PTPRD: variants seen among roughly 807,000 people sequenced by gnomAD.
PTPRD encodes receptor-type tyrosine-protein phosphatase delta.
A neutral mutation model predicts 214.5 loss-of-function variants in PTPRD; 34 were observed. That is an observed-to-expected ratio of 0.16 (90% CI 0.12 to 0.21). The LOEUF (loss-of-function observed/expected upper bound fraction) is 0.21, where lower values mean the gene tolerates loss of function less well. Ranked by LOEUF, PTPRD falls within the 10% of genes least tolerant of loss-of-function variation. PTPRD has a pLI of 1.00. For synonymous variants in PTPRD, 1,128 were observed against 845.7 expected (o/e 1.33, Z -5.79); for missense variants, 2,545 against 2,398.7 (o/e 1.06, Z -1.27).
At chr9:8,970,958 G>C (rs566688496) in intron 11 of PTPRD, among the ~76,000 whole-genome samples, 3 of 151,186 alleles carry the variant, frequency 2.0e-5, no homozygotes, top group Non-Finnish European at 4.4e-5. Context: ...GAATTAACCG[G>C]AGATATGTTC....
intron 11 of PTPRD, among the ~76,000 whole-genome samples, chr9:8,797,556 G>T (rs1241154414): frequency 2.2e-4 from 34 of 152,138 alleles, no homozygotes; most frequent in Admixed American, 2.2e-3. Context: ...CCTTACCACA[G>T]GGTTCTATCT....
intron 11 of PTPRD, among the ~76,000 whole-genome samples, chr9:8,828,480 G>T (rs1566419156): frequency 6.6e-6 from 1 of 152,122 alleles, no homozygotes; most frequent in Non-Finnish European, 1.5e-5. Flanking sequence ...CTTGATCTTG[G>T]ACTTCTGGCC....
At chr9:8,951,198 T>C (rs2099100274) in intron 11 of PTPRD, among the ~76,000 whole-genome samples, 1 of 148,882 alleles carries the variant, frequency 6.7e-6, no homozygotes, top group African/African-American at 2.5e-5. Context: ...CAGAAAGCAA[T>C]TAATGGTAGA....
intron 14 of PTPRD, among the ~76,000 whole-genome samples, chr9:8,616,721 A>G (rs1329822398): frequency 6.6e-6 from 1 of 152,154 alleles, no homozygotes; most frequent in Non-Finnish European, 1.5e-5. Context: ...CTCACATACA[A>G]AACTACCTTT....
chr9:8,399,567 A>G (rs186971164), intron 36 of PTPRD, among the ~76,000 whole-genome samples: 170 of 152,270 alleles, frequency 1.1e-3, no homozygotes, highest in African/African-American at 3.8e-3. Context: ...AAACAAACAA[A>G]AAAACACACC....
chr9:9,325,978 T>A (rs966097291), intron 9 of PTPRD, among the ~76,000 whole-genome samples: 14 of 152,174 alleles, frequency 9.2e-5, no homozygotes, highest in East Asian at 7.7e-4. Flanking sequence ...CGGTTCTGTT[T>A]ATGCGATGGA....
At chr9:9,274,914 T>C (rs1342489218) in intron 9 of PTPRD, among the ~76,000 whole-genome samples, 2 of 147,618 alleles carry the variant, frequency 1.4e-5, no homozygotes, top group Admixed American at 7.0e-5. Context: ...CCATTACATA[T>C]CTTTCTTAGA....
intron 11 of PTPRD, among the ~76,000 whole-genome samples, chr9:8,976,019 T>G (rs2099266101): frequency 6.6e-6 from 1 of 152,046 alleles, no homozygotes; most frequent in Non-Finnish European, 1.5e-5. Flanking sequence ...GTAAAACATC[T>G]GTAAGATGAT....
intron 10 of PTPRD, among the ~76,000 whole-genome samples, chr9:9,101,928 T>G (rs796981166): frequency 1.3e-5 from 2 of 152,210 alleles, no homozygotes; most frequent in African/African-American, 4.8e-5. Flanking sequence ...TGATGTGAAG[T>G]AAATAATGAT....
In PTPRD at chr9:8,528,833, T is replaced by C. The variant is rs549431293; in HGVS notation, c.353-54A>G. ...CAGTTAATAAGTCAGATGCTCCAAA[T>C]TCAAGAGATTCCCCAGAAATCTCTC... On this transcript the variant is annotated intron_variant, in intron 14 of 45. Coordinates refer to ENST00000381196, the MANE Select transcript of PTPRD (RefSeq NM_002839.4). 8 of 1,546,626 alleles carry C rather than the reference T, an allele frequency of 5.2e-6. No homozygotes were observed. The East Asian group carries it at 1.4e-4, about 26-fold the overall frequency.
chr9:10,199,130 G>C (rs1221502977), intron 3 of PTPRD, among the ~76,000 whole-genome samples: 1 of 151,722 alleles, frequency 6.6e-6, no homozygotes. Flanking sequence ...GCACTTCTTA[G>C]GAGTGGATGC....
intron 5 of PTPRD, among the ~76,000 whole-genome samples, chr9:9,789,573 G>GGATCACGA (rs2098951693): frequency 6.6e-6 from 1 of 151,740 alleles, no homozygotes; most frequent in Non-Finnish European, 1.5e-5. Context: ...CGAGGCGGGC[G>GGATCACGA]GATCAGGAGA....
At chr9:8,405,239 G>A (rs2092848025) in intron 35 of PTPRD, among the ~76,000 whole-genome samples, 1 of 152,164 alleles carries the variant, frequency 6.6e-6, no homozygotes. Context: ...AACACGAACA[G>A]TAAAGAAGGG....
chr9:8,574,958 G>C (rs912043680), intron 14 of PTPRD, among the ~76,000 whole-genome samples: 2 of 151,938 alleles, frequency 1.3e-5, no homozygotes, highest in African/African-American at 2.4e-5. Context: ...TATAAATAAA[G>C]ACAAATAAAA....
intron 3 of PTPRD, among the ~76,000 whole-genome samples, chr9:10,183,662 A>G (rs1409231651): frequency 6.6e-6 from 1 of 152,186 alleles, no homozygotes; most frequent in Non-Finnish European, 1.5e-5. Context: ...TTAAAAAGTA[A>G]AGGAAAAGAG....
intron 7 of PTPRD, among the ~76,000 whole-genome samples, chr9:9,728,947 G>C (rs2098138428): frequency 6.6e-6 from 1 of 151,828 alleles, no homozygotes; most frequent in Non-Finnish European, 1.5e-5. Context: ...CTATTTTGGA[G>C]GCCTAAGTTG....
intron 3 of PTPRD, among the ~76,000 whole-genome samples, chr9:10,040,484 C>T (rs547350433): frequency 6.6e-6 from 1 of 152,162 alleles, no homozygotes; most frequent in South Asian, 2.1e-4. Flanking sequence ...GTGTGGGATG[C>T]AATCACTGCT....
rs532598848 is a variant in PTPRD at position 8,545,021 on chromosome 9, T to G, written c.353-16242A>C. Among the ~76,000 whole-genome samples the G allele has an allele frequency of 8.5e-5, 13 of 152,074 alleles. No individual in the cohort carries two copies. In the East Asian group the frequency reaches 2.5e-3, roughly 29 times the overall value. The stretch of plus-strand genomic sequence containing the variant: ...ACAAAACTTTCTGGGATATTCACTT[T>G]CCTGGTGCTTCTTAATATGACAGAG... On this transcript the variant is annotated intron_variant, in intron 14 of 45. Transcript: ENST00000381196.
At chr9:10,275,250 A>G (rs1224314722) in intron 3 of PTPRD, among the ~76,000 whole-genome samples, 1 of 152,128 alleles carries the variant, frequency 6.6e-6, no homozygotes, top group Non-Finnish European at 1.5e-5. Context: ...TTTCTGAAAG[A>G]AGTTTCTTAA....
Sources: allele counts gnomAD v4.1 joint callset (sites outside exome capture counted in the v4.1 genomes callset), GRCh38; gene constraint gnomAD v4.1.1; transcripts MANE v1.5; gene names NCBI Gene and HGNC (gene_info 2026-07-23, HGNC 2026-07-21).